The following CLIP1 variants were observed in gnomAD, a reference collection of about 807,000 sequenced individuals.
CLIP1 encodes CAP-Gly domain containing linker protein 1, also known as CAP-Gly domain-containing linker protein 1.
Under a neutral mutation model 161.6 loss-of-function variants are expected in CLIP1, and 66 were observed. The observed-to-expected ratio is 0.41, with a 90% CI of 0.33 to 0.50. The LOEUF is 0.50. CLIP1 is among the 20% of genes least tolerant of loss of function. The pLI is 0.27. For missense variants in CLIP1, 1,376 were observed against 1,702.0 expected (o/e 0.81, Z 3.37); for synonymous variants, 598 against 626.2 (o/e 0.96, Z 0.67).
chr12:122,389,833 G>C (rs565575327), intron 1 of CLIP1, among the ~76,000 whole-genome samples: 1 of 142,628 alleles, frequency 7.0e-6, no homozygotes, highest in Admixed American at 7.4e-5. Context: ...TCTGTCTTCT[G>C]CTAAATCTCA....
intron 10 of CLIP1, 45 bp downstream of exon 10, chr12:122,347,330 C>A: frequency 7.2e-7 from 1 of 1,397,844 alleles, no homozygotes; most frequent in Non-Finnish European, 1.0e-6. Context: ...GGTGTCCACC[C>A]TTCACATGCA....
intron 16 of CLIP1, 46 bp downstream of exon 16, chr12:122,328,215 C>CCTTGCCT (rs1951785617): frequency 1.2e-6 from 2 of 1,613,190 alleles, no homozygotes; most frequent in Admixed American, 3.3e-5. Context: ...GTGTACTATC[C>CCTTGCCT]CTTGCCTTCC....
At chr12:122,417,287 A>AT (rs1956788790) in intron 1 of CLIP1, among the ~76,000 whole-genome samples, 1 of 151,226 alleles carries the variant, frequency 6.6e-6, no homozygotes, top group Non-Finnish European at 1.5e-5. Flanking sequence ...CAAAAACAAG[A>AT]TTTTGTCTTA....
chr12:122,275,823 T>A (rs1955403180), intron 24 of CLIP1: 1 of 152,158 alleles, frequency 6.6e-6, no homozygotes, highest in Non-Finnish European at 1.5e-5. Flanking sequence ...AGTAAACATG[T>A]CCTCAGGGAA....
chr12:122,411,713 C>T (rs1956540897), intron 1 of CLIP1, among the ~76,000 whole-genome samples: 1 of 152,286 alleles, frequency 6.6e-6, no homozygotes, highest in African/African-American at 2.4e-5. Context: ...AGTAGATTTG[C>T]CATGTTGCCC....
intron 1 of CLIP1, among the ~76,000 whole-genome samples, chr12:122,412,758 A>G (rs1466436639): frequency 6.6e-6 from 1 of 152,168 alleles, no homozygotes; most frequent in Non-Finnish European, 1.5e-5. Flanking sequence ...TTTTGTATCT[A>G]TGCAAATTTT....
intron 1 of CLIP1, among the ~76,000 whole-genome samples, chr12:122,418,308 C>T (rs1181452737): frequency 1.3e-5 from 2 of 152,274 alleles, no homozygotes; most frequent in Non-Finnish European, 2.9e-5. Flanking sequence ...GCTCATCAAG[C>T]TGCCTTTAGG....
chr12:122,390,233 TACAC>T (rs1158726965), intron 1 of CLIP1, among the ~76,000 whole-genome samples: 1 of 124,984 alleles, frequency 8.0e-6, no homozygotes, highest in Non-Finnish European at 1.7e-5. Flanking sequence ...CACACATATA[TACAC>T]ACACATATAT....
chr12:122,295,036 A>G (rs189701037), intron 20 of CLIP1, among the ~76,000 whole-genome samples: 1 of 151,574 alleles, frequency 6.6e-6, no homozygotes, highest in Admixed American at 6.6e-5. Context: ...AGCCTGGGAG[A>G]CAGAGCGAGA....
chr12:122,339,829 C>T (rs190635738), intron 11 of CLIP1, among the ~76,000 whole-genome samples: 6 of 152,274 alleles, frequency 3.9e-5, no homozygotes, highest in South Asian at 4.1e-4. Flanking sequence ...ACCTGGGCTA[C>T]GTGGCACAGC....
chr12:122,398,289 C>T (rs757035147), intron 1 of CLIP1, among the ~76,000 whole-genome samples: 9 of 149,886 alleles, frequency 6.0e-5, no homozygotes, highest in Non-Finnish European at 1.2e-4. Context: ...ATTAGCTGGT[C>T]GTGGTGGCAG....
At position 122,341,563 on chromosome 12, in the gene CLIP1, G is replaced by C. The variant is rs1437601032; in HGVS notation, c.1641C>G (p.Ser547=). The C allele has an allele frequency of 6.2e-7, 1 of 1,613,854 alleles. No individual in the cohort carries two copies. The highest frequency in any genetic ancestry group is 1.1e-5 in the South Asian group (1 of 91,074). ...GCAAAGAGCTTATCTCTTGCAAAAG[G>C]GAAAGTGACATGTCCACATCCCCAG... is the stretch of plus-strand genomic sequence containing the variant. The part of the protein sequence containing the change: ...KPAGDVDMSL[S]LLQEISSLQE... The change falls in exon 11 of 26, where the codon TCC becomes TCG. Residue 547 remains serine (S), a synonymous_variant. Transcript: ENST00000620786.
chr12:122,333,074 T>A lies in CLIP1; in HGVS notation c.2780A>T (p.Glu927Val), dbSNP rs918061562. Residue 927 changes from glutamate to valine, a missense_variant, in exon 15 of 26, where the codon GAA becomes GTA. Around this residue, in one of 6 missense-constraint regions of CLIP1, gnomAD observed 948 missense variants for 1,134.8 expected, o/e 0.84. Transcript: ENST00000620786. ...CTTCATTATTTCTGCAATGTCATTTTCCAGTTTTTCCTTTGCCTTTATCAG... is the reference window on the plus strand; with the variant it reads ...CTTCATTATTTCTGCAATGTCATTTACCAGTTTTTCCTTTGCCTTTATCAG... ...EQLIKAKEKL[E>V]NDIAEIMKMS... The A allele has an allele frequency of 1.9e-6, 3 of 1,613,716 alleles. No homozygotes were observed. Among genetic ancestry groups the A allele is most frequent in the East Asian group, 2.2e-5 (1 of 44,892 alleles).
intron 20 of CLIP1, among the ~76,000 whole-genome samples, chr12:122,298,982 G>C (rs1188373870): frequency 1.3e-5 from 2 of 152,124 alleles, no homozygotes; most frequent in Non-Finnish European, 2.9e-5. Context: ...GATATCAATG[G>C]TGTGGCTACA....
chr12:122,272,929 G>C lies in CLIP1; in HGVS notation c.4263C>G (p.Ile1421Met), dbSNP rs756787282. The C allele has an allele frequency of 1.9e-6, 3 of 1,614,188 alleles. No homozygotes were observed. The Admixed American group carries it at 5.0e-5, about 27-fold the overall frequency. Residue 1421 changes from isoleucine to methionine, a missense_variant, in exon 26 of 26, where the codon ATC becomes ATG. Around this residue, in one of 6 missense-constraint regions of CLIP1, gnomAD observed 948 missense variants for 1,134.8 expected, o/e 0.84. Transcript: ENST00000620786. Reference protein sequence around the residue: ...SRGEERPYCEICEMFGHWATN... With the variant: ...SRGEERPYCEMCEMFGHWATN... Reference sequence around the variant, plus strand: ...TGGCCCAGTGTCCAAACATCTCACAGATTTCACAGTATGGGCGTTCCTCAC... The same window carrying C: ...TGGCCCAGTGTCCAAACATCTCACACATTTCACAGTATGGGCGTTCCTCAC...
chr12:122,281,445 G>A (rs1039943194), intron 21 of CLIP1, among the ~76,000 whole-genome samples: 17 of 152,158 alleles, frequency 1.1e-4, no homozygotes, highest in African/African-American at 3.9e-4. Flanking sequence ...CCAGCATTCT[G>A]GGAGGCCAAG....
At chr12:122,408,843 T>A (rs1020848265) in intron 1 of CLIP1, among the ~76,000 whole-genome samples, 2 of 152,046 alleles carry the variant, frequency 1.3e-5, no homozygotes, top group Admixed American at 6.6e-5. Flanking sequence ...TTTTTTGAGA[T>A]GGAGTCTCCA....
At chr12:122,390,876 C>T (rs193077632) in intron 1 of CLIP1, among the ~76,000 whole-genome samples, 28 of 152,110 alleles carry the variant, frequency 1.8e-4, no homozygotes, top group Admixed American at 1.8e-3. Context: ...TTTGCTTGTA[C>T]TCCCTCGAAT....
At chr12:122,332,089 A>G (rs558580947) in intron 15 of CLIP1, among the ~76,000 whole-genome samples, 2 of 152,252 alleles carry the variant, frequency 1.3e-5, no homozygotes, top group South Asian at 4.1e-4. Flanking sequence ...TGAGGTCAGG[A>G]GTTCGAGACC....
Sources: allele counts gnomAD v4.1 joint callset (sites outside exome capture counted in the v4.1 genomes callset), GRCh38; gene constraint gnomAD v4.1.1; regional missense constraint gnomAD v4.1.1; transcripts MANE v1.5; gene names NCBI Gene and HGNC (gene_info 2026-07-23, HGNC 2026-07-21).